The following MANBA variants were observed in gnomAD, a reference collection of about 807,000 sequenced individuals.
MANBA encodes the protein beta-mannosidase.
A neutral mutation model predicts 111.1 loss-of-function variants in MANBA; 83 were observed. That is an observed-to-expected ratio of 0.75 (90% CI 0.63 to 0.90). The LOEUF (loss-of-function observed/expected upper bound fraction) is 0.90. Ranked by LOEUF, MANBA falls within the 40% of genes least tolerant of loss-of-function variation. The probability of loss-of-function intolerance (pLI) is 0.00; values close to 1 mark genes in which losing one functional copy is unlikely to be tolerated. For synonymous variants in MANBA, 370 were observed against 378.7 expected (o/e 0.98, Z 0.27); for missense variants, 1,036 against 1,069.0 (o/e 0.97, Z 0.43).
intron 11 of MANBA, among the ~76,000 whole-genome samples, chr4:102,664,352 CT>C (rs35167854): frequency 0.013 from 1,858 of 145,992 alleles, 32 homozygotes; most frequent in African/African-American, 0.042. Flanking sequence ...AACATACATT[CT>C]TTTTTTTTTT....
At chr4:102,728,921 C>A (rs1359111042) in intron 1 of MANBA, 2 of 754,580 alleles carry the variant, frequency 2.7e-6, no homozygotes, top group African/African-American at 1.7e-5. Flanking sequence ...ACCTGCATAA[C>A]CACTGGTGGT....
chr4:102,720,261 C>T (rs182452778), intron 4 of MANBA, among the ~76,000 whole-genome samples: 7 of 152,008 alleles, frequency 4.6e-5, no homozygotes, highest in African/African-American at 1.7e-4. Flanking sequence ...ATGGTGAAAC[C>T]CCATCTCTAC....
At chr4:102,658,537 G>A (rs1449080783) in intron 11 of MANBA, among the ~76,000 whole-genome samples, 1 of 152,182 alleles carries the variant, frequency 6.6e-6, no homozygotes, top group African/African-American at 2.4e-5. Flanking sequence ...TCTGTAAGAT[G>A]AGGATAATAA....
chr4:102,694,797 T>C (rs1209258740), intron 5 of MANBA, among the ~76,000 whole-genome samples: 1 of 152,042 alleles, frequency 6.6e-6, no homozygotes, highest in Non-Finnish European at 1.5e-5. Context: ...GCAAAGGCAA[T>C]GCTGGCCTGC....
chr4:102,673,793 G>T, intron 8 of MANBA, 126 bp downstream of exon 8: 2 of 860,576 alleles, frequency 2.3e-6, no homozygotes, highest in Non-Finnish European at 1.9e-6. Flanking sequence ...AGTTTCCATC[G>T]TCTAGAATTC....
intron 13 of MANBA, among the ~76,000 whole-genome samples, chr4:102,647,898 TGAGTTTGGATTAA>T (rs1286137125): frequency 2.0e-5 from 3 of 152,164 alleles, no homozygotes; most frequent in Non-Finnish European, 4.4e-5. Flanking sequence ...GGTGTGAGCA[TGAGTTTGGATTAA>T]AATTCATACA....
chr4:102,726,548 AG>A (rs1324316858), intron 2 of MANBA, 40 bp downstream of exon 2: 2 of 1,072,998 alleles, frequency 1.9e-6, no homozygotes, highest in African/African-American at 3.2e-5. Flanking sequence ...AAAGAAGAAA[AG>A]TTCAAATAAT....
chr4:102,714,826 C>G (rs1013419598), intron 4 of MANBA, among the ~76,000 whole-genome samples: 5 of 152,180 alleles, frequency 3.3e-5, no homozygotes, highest in African/African-American at 1.2e-4. Flanking sequence ...TTTTTCTGTG[C>G]TAGGCATCCC....
chr4:102,633,333 C>A, intron 16 of MANBA: 1 of 398,616 alleles, frequency 2.5e-6, no homozygotes. Flanking sequence ...CAGGAAGCTG[C>A]CAGGGTAGCA....
At chr4:102,728,760 C>A in intron 1 of MANBA, 3 of 891,022 alleles carry the variant, frequency 3.4e-6, no homozygotes, top group Non-Finnish European at 5.2e-6. Flanking sequence ...TTGGGCAGGA[C>A]GTCAGAGGAC....
chr4:102,720,680 G>A (rs72663153), intron 4 of MANBA, among the ~76,000 whole-genome samples: 2,674 of 151,838 alleles, frequency 0.018, 31 homozygotes, highest in Middle Eastern at 0.055. Flanking sequence ...GGAAGCCAAA[G>A]GCAAAAGAAT....
At chr4:102,636,980 T>A (rs1259159584) in intron 14 of MANBA, among the ~76,000 whole-genome samples, 1 of 152,064 alleles carries the variant, frequency 6.6e-6, no homozygotes, top group Admixed American at 6.5e-5. Context: ...ATGCTGTTCT[T>A]GTGATAGTGA....
intron 12 of MANBA, among the ~76,000 whole-genome samples, chr4:102,654,289 C>A (rs1384969714): frequency 6.6e-6 from 1 of 152,068 alleles, no homozygotes; most frequent in Non-Finnish European, 1.5e-5. Context: ...AAAAGATTAG[C>A]CCCACAATTT....
rs375934366 is a variant in MANBA at position 102,652,790 on chromosome 4, G to A, written c.1705-2089C>T. Among the ~76,000 whole-genome samples, 4 of 152,180 alleles carry A rather than the reference G, an allele frequency of 2.6e-5. No homozygotes were observed. In the South Asian group the frequency reaches 6.2e-4, roughly 24 times the overall value. On this transcript the variant is annotated intron_variant, in intron 12 of 16. Transcript: ENST00000647097. ...CATGCCTGTAGTCCCAGCTACTTGG[G>A]AGGCTAAAGTGGGATGATTGCTTGA... is the stretch of plus-strand genomic sequence containing the variant.
rs751018621 is a variant in MANBA, at chr4:102,671,434, G to GA, written c.1113-37dup. The GA allele has an allele frequency of 0.025, 25,276 of 991,994 alleles. No individual in the cohort carries two copies. Among genetic ancestry groups the GA allele is most frequent in the Non-Finnish European group, 0.028 (19,239 of 695,602 alleles). 61.4% of individuals were successfully genotyped at this position (991,994 alleles called of 1,614,324 possible). A position where few individuals can be genotyped will look rare whatever the true frequency, so the allele number is the denominator to read the frequency against. On this transcript the variant is annotated intron_variant, in intron 8 of 16. Transcript: ENST00000647097. ...CATTTTAGAAACAAATCATAATTTG[G>GA]AAAAAAAAAACAGATTGTGACAGAT...
chr4:102,725,849 C>A (rs1722772615), intron 2 of MANBA, among the ~76,000 whole-genome samples: 1 of 151,796 alleles, frequency 6.6e-6, no homozygotes, highest in Non-Finnish European at 1.5e-5. Flanking sequence ...ATGTAATAAG[C>A]CCAAAGCACC....
At chr4:102,742,610 C>T (rs2110206410) in intron 1 of MANBA, among the ~76,000 whole-genome samples, 1 of 152,264 alleles carries the variant, frequency 6.6e-6, no homozygotes, top group East Asian at 1.9e-4. Context: ...GAGCACGAGC[C>T]CACTGCCACA....
intron 5 of MANBA, among the ~76,000 whole-genome samples, chr4:102,707,795 C>T (rs1279923100): frequency 6.6e-6 from 1 of 151,640 alleles, no homozygotes; most frequent in African/African-American, 2.4e-5. Context: ...CATACATGGA[C>T]TGAAAGTAAA....
At chr4:102,727,450 T>A in intron 1 of MANBA, 1 of 1,410,474 alleles carries the variant, frequency 7.1e-7, no homozygotes, top group Non-Finnish European at 1.0e-6. Context: ...CACATGGGTC[T>A]CAGAGCACTC....
Sources: allele counts gnomAD v4.1 joint callset (sites outside exome capture counted in the v4.1 genomes callset), GRCh38; gene constraint gnomAD v4.1.1; transcripts MANE v1.5; gene names NCBI Gene and HGNC (gene_info 2026-07-23, HGNC 2026-07-21).